PRKRA: variants seen among roughly 807,000 people sequenced by gnomAD.
PRKRA encodes the protein protein activator of interferon induced protein kinase EIF2AK2, also known as interferon-inducible double-stranded RNA-dependent protein kinase activator A.
Under a neutral mutation model 32.4 loss-of-function variants are expected in PRKRA, and 22 were observed. The ratio of observed to expected loss-of-function variants is 0.68; its 90% CI spans 0.49 to 0.97. PRKRA has a LOEUF of 0.97. Ranked by LOEUF, PRKRA falls within the 50% of genes least tolerant of loss-of-function variation. The probability of loss-of-function intolerance (pLI) is 0.00; values close to 1 mark genes in which losing one functional copy is unlikely to be tolerated. For missense variants in PRKRA, 319 were observed against 375.6 expected, an observed-to-expected ratio of 0.85 and a Z score of 1.25; for synonymous variants, 139 against 129.8, an observed-to-expected ratio of 1.07 and a Z score of -0.48.
At chr2:178,445,036 T>C (rs1697263748) in intron 3 of PRKRA, among the ~76,000 whole-genome samples, 1 of 152,180 alleles carries the variant, frequency 6.6e-6, no homozygotes, top group African/African-American at 2.4e-5. Flanking sequence ...TAATACAGAT[T>C]ATGTGTAAAT....
intron 2 of PRKRA, among the ~76,000 whole-genome samples, chr2:178,448,844 G>A (rs978924863): frequency 6.6e-6 from 1 of 152,202 alleles, no homozygotes; most frequent in East Asian, 1.9e-4. Flanking sequence ...GAAGACAAAA[G>A]CCTACATTTC....
intron 6 of PRKRA, 50 bp downstream of exon 6, chr2:178,441,560 T>G (rs771127533): frequency 7.2e-7 from 1 of 1,398,268 alleles, no homozygotes; most frequent in Non-Finnish European, 1.0e-6. Flanking sequence ...AGTTTCCTAC[T>G]GCAAGAAATG....
intron 2 of PRKRA, among the ~76,000 whole-genome samples, 176 bp from the exon 3 acceptor site, chr2:178,447,762 G>A (rs1182095972): frequency 6.6e-6 from 1 of 151,996 alleles, no homozygotes. Context: ...ATACTACATG[G>A]TTATATACTG....
At chr2:178,442,019 G>A (rs1209205238) in intron 5 of PRKRA, among the ~76,000 whole-genome samples, 2 of 151,300 alleles carry the variant, frequency 1.3e-5, no homozygotes, top group Non-Finnish European at 2.9e-5. Context: ...CCAAGTAGAT[G>A]GGATTACAGG....
chr2:178,450,603 G>A, intron 1 of PRKRA, 192 bp from the exon 2 acceptor site: 1 of 1,476,522 alleles, frequency 6.8e-7, no homozygotes, highest in Non-Finnish European at 8.9e-7. Context: ...CGCAGGAGCA[G>A]GCGGGGTGAG....
At chr2:178,441,585 C>T (rs1459837154) in intron 6 of PRKRA, 25 bp downstream of exon 6, 1 of 1,524,108 alleles carries the variant, frequency 6.6e-7, no homozygotes, top group Non-Finnish European at 9.1e-7. Flanking sequence ...ATGACATTAA[C>T]ATCATAGCTG....
chr2:178,450,929 C>T, intron 1 of PRKRA, 37 bp downstream of exon 1: 2 of 960,754 alleles, frequency 2.1e-6, no homozygotes, highest in Non-Finnish European at 2.7e-6. Flanking sequence ...CCGCCCAACG[C>T]TCCCGGCCCT....
intron 3 of PRKRA, among the ~76,000 whole-genome samples, chr2:178,444,800 ACTC>A (rs1697254715): frequency 6.6e-6 from 1 of 152,128 alleles, no homozygotes; most frequent in Admixed American, 6.5e-5. Flanking sequence ...TAAATTATAT[ACTC>A]TTACAAATAC....
intron 3 of PRKRA, chr2:178,447,279 A>AC: frequency 1.5e-6 from 1 of 652,320 alleles, no homozygotes; most frequent in Non-Finnish European, 2.5e-6. Context: ...AAAAAAAAAA[A>AC]ACAGTAAAGC....
intron 6 of PRKRA, among the ~76,000 whole-genome samples, chr2:178,437,759 G>T (rs1348650616): frequency 5.9e-5 from 9 of 152,054 alleles, no homozygotes; most frequent in African/African-American, 2.2e-4. Context: ...CAATCTAAAA[G>T]GTGAAAATAT....
chr2:178,443,211 T>C, intron 5 of PRKRA, 56 bp downstream of exon 5: 1 of 960,682 alleles, frequency 1.0e-6, no homozygotes, highest in Non-Finnish European at 1.5e-6. Flanking sequence ...GAAATTTCGA[T>C]AGTCATTCAT....
chr2:178,438,650 G>A (rs1051176062), intron 6 of PRKRA, among the ~76,000 whole-genome samples: 3 of 151,002 alleles, frequency 2.0e-5, no homozygotes, highest in African/African-American at 2.4e-5. Flanking sequence ...TTCAATAAAC[G>A]TGTATCAAGG....
intron 6 of PRKRA, chr2:178,440,113 G>T (rs1365983128): frequency 6.6e-6 from 1 of 152,098 alleles, no homozygotes; most frequent in African/African-American, 2.4e-5. Context: ...CTTCTTTGAA[G>T]ATTTAACCAA....
In PRKRA at chr2:178,431,995, T is replaced by G. The variant is rs1696674878; in HGVS notation, c.*102A>C. 2 of 1,336,452 alleles carry G rather than the reference T, an allele frequency of 1.5e-6. No individual in the cohort carries two copies. The highest frequency in any genetic ancestry group is 2.1e-6 in the Non-Finnish European group (2 of 949,994). The allele number at this position is 1,336,452 out of a possible 1,614,324, so 82.8% of individuals were successfully genotyped here. A position where few individuals can be genotyped will look rare whatever the true frequency, so the allele number is the denominator to read the frequency against. ...GTGTTGATGGAATCTATGAAGAGAT[T>G]TAGAAACAAGACATAAACACTACGG... On this transcript the variant is annotated 3_prime_UTR_variant, in exon 8 of 8. Transcript: ENST00000325748.
In PRKRA at chr2:178,431,911, A is replaced by G. The variant is rs1255912221; in HGVS notation, c.*186T>C. ...GTTTATAAATACAGTATACTGATAC[A>G]AAGTTGAAGCCATTAAAAAGAGCTT... On this transcript the variant is annotated 3_prime_UTR_variant, in exon 8 of 8. Coordinates refer to ENST00000325748, the MANE Select transcript of PRKRA (RefSeq NM_003690.5). 4.1e-6 allele frequency: 3 copies of G among 731,722 alleles called. No individual in the cohort carries two copies. 45.3% of individuals were successfully genotyped at this position (731,722 alleles called of 1,614,324 possible). A position where few individuals can be genotyped will look rare whatever the true frequency, so the allele number is the denominator to read the frequency against.
At chr2:178,440,858 T>G (rs1304478141) in intron 6 of PRKRA, among the ~76,000 whole-genome samples, 2 of 152,244 alleles carry the variant, frequency 1.3e-5, no homozygotes, top group Non-Finnish European at 2.9e-5. Flanking sequence ...TGTACTACCC[T>G]TGGGATAAAG....
At chr2:178,445,567 T>G (rs1380147518) in intron 3 of PRKRA, 1 of 154,574 alleles carries the variant, frequency 6.5e-6, no homozygotes, top group Non-Finnish European at 1.5e-5. Context: ...GTAAAGTTTG[T>G]TAGCTTTTTT....
At chr2:178,438,639 C>G (rs1173911309) in intron 6 of PRKRA, among the ~76,000 whole-genome samples, 4 of 151,420 alleles carry the variant, frequency 2.6e-5, no homozygotes, top group African/African-American at 9.7e-5. Flanking sequence ...TCCAGATAAA[C>G]TTCAATAAAC....
In PRKRA at chr2:178,451,110, G is replaced by A. The variant is rs1420950604; in HGVS notation, c.-80C>T. On this transcript the variant is annotated 5_prime_UTR_variant, in exon 1 of 8. Coordinates refer to ENST00000325748, the MANE Select transcript of PRKRA (RefSeq NM_003690.5). ...CGCTCCCCGGGTCGCTGGTCCCCGG[G>A]AGGAGCTCCAGCGCCGCCACCTCCT... 1.4e-6 allele frequency: 2 copies of A among 1,474,118 alleles called. No homozygotes were observed. The highest frequency in any genetic ancestry group is 4.2e-5 in the Admixed American group (2 of 47,634). The allele number at this position is 1,474,118 out of a possible 1,614,324, so 91.3% of individuals were successfully genotyped here. A position where few individuals can be genotyped will look rare whatever the true frequency, so the allele number is the denominator to read the frequency against.
Sources: gnomAD v4.1 joint callset for allele counts (sites outside exome capture counted in the v4.1 genomes callset) on GRCh38, gnomAD v4.1.1 for gene constraint, MANE v1.5 for transcripts, NCBI Gene and HGNC (gene_info 2026-07-23, HGNC 2026-07-21) for gene names.